MARCHF1: variants seen among roughly 807,000 people sequenced by gnomAD.
MARCHF1 encodes the protein membrane associated ring-CH-type finger 1, also known as E3 ubiquitin-protein ligase MARCHF1.
In MARCHF1, 40 loss-of-function variants were observed where a neutral mutation model predicts 54.2. The observed-to-expected ratio is 0.74, with a 90% CI of 0.57 to 0.96. The LOEUF (loss-of-function observed/expected upper bound fraction) is 0.96. Ranked by LOEUF, MARCHF1 falls within the 40% of genes least tolerant of loss-of-function variation. MARCHF1 has a pLI of 0.00. For synonymous variants in MARCHF1, 236 were observed against 236.3 expected (o/e 1.00, Z 0.01); for missense variants, 586 against 656.5 (o/e 0.89, Z 1.17).
chr4:163,600,580 C>T (rs750736132), intron 7 of MARCHF1, among the ~76,000 whole-genome samples: 32 of 152,124 alleles, frequency 2.1e-4, no homozygotes, highest in Non-Finnish European at 3.4e-4. Flanking sequence ...GCTTCTATTT[C>T]ATTCTGGTTA....
chr4:164,208,914 T>C (rs909678320), intron 1 of MARCHF1, among the ~76,000 whole-genome samples: 12 of 152,000 alleles, frequency 7.9e-5, no homozygotes, highest in African/African-American at 2.9e-4. Flanking sequence ...CATACTACTC[T>C]AGTTTAGGCA....
At position 164,107,506 on chromosome 4, in the gene MARCHF1, G is replaced by A. The variant is rs143420691; in HGVS notation, c.-248+4082C>T. ...GCATCCCAAGCAGCTGAAACTACAG[G>A]CAAGTACCACCACGCTCTGCTTATT... On this transcript the variant is annotated intron_variant, in intron 2 of 9. Transcript: ENST00000514618. Among the ~76,000 whole-genome samples, 76 of 152,076 alleles carry A rather than the reference G, an allele frequency of 5.0e-4. No individual in the cohort carries two copies. The East Asian group carries it at 0.011, about 22-fold the overall frequency.
chr4:164,011,239 A>G (rs1753413565), intron 2 of MARCHF1, among the ~76,000 whole-genome samples: 1 of 152,210 alleles, frequency 6.6e-6, no homozygotes, highest in Non-Finnish European at 1.5e-5. Flanking sequence ...CCTCGAAAGC[A>G]CAGGCAATAG....
chr4:163,732,449 G>C (rs1284452412), intron 4 of MARCHF1, among the ~76,000 whole-genome samples: 1 of 152,052 alleles, frequency 6.6e-6, no homozygotes, highest in African/African-American at 2.4e-5. Flanking sequence ...GTGAAGAAAA[G>C]AGAGGAGGTA....
At chr4:164,375,061 A>G (rs1254328889) in intron 1 of MARCHF1, among the ~76,000 whole-genome samples, 2 of 152,148 alleles carry the variant, frequency 1.3e-5, no homozygotes, top group Non-Finnish European at 2.9e-5. Flanking sequence ...AATTGATCGA[A>G]TTTCAAATTT....
chr4:163,827,477 A>G (rs1252869373), intron 4 of MARCHF1, among the ~76,000 whole-genome samples: 1 of 152,170 alleles, frequency 6.6e-6, no homozygotes, highest in Non-Finnish European at 1.5e-5. Context: ...TAAGATATAA[A>G]TTTTCTGAAT....
intron 1 of MARCHF1, among the ~76,000 whole-genome samples, chr4:164,338,117 T>C (rs1442061691): frequency 6.6e-6 from 1 of 152,200 alleles, no homozygotes; most frequent in Non-Finnish European, 1.5e-5. Flanking sequence ...TTAAAAAATC[T>C]AAACTGAGGA....
chr4:163,643,993 A>C (rs1428634855), intron 5 of MARCHF1, among the ~76,000 whole-genome samples: 1 of 152,128 alleles, frequency 6.6e-6, no homozygotes, highest in Non-Finnish European at 1.5e-5. Context: ...TTAAACTTCA[A>C]ATGTGTTTTT....
chr4:163,931,065 TA>T (rs1037444066), intron 3 of MARCHF1, among the ~76,000 whole-genome samples: 7 of 152,096 alleles, frequency 4.6e-5, no homozygotes, highest in African/African-American at 1.7e-4. Context: ...GCTGGCTTTC[TA>T]AGAAGAAGAA....
intron 5 of MARCHF1, among the ~76,000 whole-genome samples, chr4:163,648,365 C>T (rs1742835399): frequency 6.6e-6 from 1 of 151,790 alleles, no homozygotes; most frequent in African/African-American, 2.4e-5. Context: ...ATGTACAGAA[C>T]ATTGTCTAAG....
At chr4:163,990,221 C>T (rs530997532) in intron 2 of MARCHF1, among the ~76,000 whole-genome samples, 20 of 152,190 alleles carry the variant, frequency 1.3e-4, no homozygotes, top group Non-Finnish European at 2.5e-4. Context: ...CTAAATTAGC[C>T]ACCTGCCCAT....
intron 1 of MARCHF1, among the ~76,000 whole-genome samples, chr4:164,228,000 T>C (rs7667652): frequency 0.016 from 2,383 of 152,290 alleles, 75 homozygotes; most frequent in African/African-American, 0.055. Context: ...AAGAATCTCA[T>C]TTACAAAATT....
chr4:164,305,536 C>T (rs1348569629), intron 1 of MARCHF1, among the ~76,000 whole-genome samples: 1 of 152,082 alleles, frequency 6.6e-6, no homozygotes, highest in African/African-American at 2.4e-5. Context: ...CTGTCTCATT[C>T]TAAAACTCTT....
intron 1 of MARCHF1, among the ~76,000 whole-genome samples, chr4:164,264,534 T>A (rs1341270346): frequency 6.6e-6 from 1 of 151,956 alleles, no homozygotes; most frequent in Non-Finnish European, 1.5e-5. Context: ...TGGTAATATG[T>A]AATATGAAAA....
intron 3 of MARCHF1, among the ~76,000 whole-genome samples, chr4:163,924,378 T>G (rs11100529): frequency 0.77 from 117,164 of 151,938 alleles, 45,303 homozygotes; most frequent in East Asian, 0.93. Context: ...AGAGGCAGAC[T>G]TGCATGTAAA....
At chr4:163,688,726 A>G (rs1199650023) in intron 5 of MARCHF1, among the ~76,000 whole-genome samples, 3 of 152,162 alleles carry the variant, frequency 2.0e-5, no homozygotes, top group Non-Finnish European at 4.4e-5. Flanking sequence ...TGCTAAGAGT[A>G]TCAGTAGAGA....
At chr4:164,158,645 T>G (rs1311591958) in intron 1 of MARCHF1, among the ~76,000 whole-genome samples, 2 of 151,932 alleles carry the variant, frequency 1.3e-5, no homozygotes, top group African/African-American at 4.8e-5. Context: ...CATCTCAAAA[T>G]AATAATAATA....
At chr4:163,756,887 G>T (rs1258352453) in intron 4 of MARCHF1, among the ~76,000 whole-genome samples, 1 of 151,874 alleles carries the variant, frequency 6.6e-6, no homozygotes, top group Non-Finnish European at 1.5e-5. Flanking sequence ...ATGAAAGAAA[G>T]CCAGGATATG....
At chr4:163,789,526 T>G (rs753682081) in intron 4 of MARCHF1, among the ~76,000 whole-genome samples, 8 of 151,938 alleles carry the variant, frequency 5.3e-5, no homozygotes, top group Non-Finnish European at 1.0e-4. Flanking sequence ...AAAATAAAAA[T>G]TTTAATAAAG....
Sources: allele counts gnomAD v4.1 joint callset (sites outside exome capture counted in the v4.1 genomes callset), GRCh38; gene constraint gnomAD v4.1.1; transcripts MANE v1.5; gene names NCBI Gene and HGNC (gene_info 2026-07-23, HGNC 2026-07-21).